MDFIC2: variants seen among roughly 807,000 people sequenced by gnomAD.
The protein encoded by MDFIC2 is MyoD family inhibitor domain containing 2, also known as myoD family inhibitor domain-containing protein 2.
At chr3:70,294,722 A>G (rs566514681) in intron 2 of MDFIC2, among the ~76,000 whole-genome samples, 9 of 152,308 alleles carry the variant, frequency 5.9e-5, no homozygotes, top group African/African-American at 2.2e-4. Context: ...GATTAAATCA[A>G]TGGCACAACA....
At position 70,224,562 on chromosome 3, in the gene MDFIC2, C is replaced by T. The variant is rs190296522; in HGVS notation, c.89-17772G>A. On this transcript the variant is annotated intron_variant, in intron 2 of 3. Coordinates refer to ENST00000567252, the MANE Select transcript of MDFIC2 (RefSeq NM_001364677.1). Reference sequence around the variant, plus strand: ...ACATTTAACACAACACTATAATTTCCGCAATGCTCACTAAGTGTCTGACTT... The same window carrying T: ...ACATTTAACACAACACTATAATTTCTGCAATGCTCACTAAGTGTCTGACTT... Among the ~76,000 whole-genome samples, 23 of 152,220 alleles carry T rather than the reference C, an allele frequency of 1.5e-4. No homozygotes were observed. The East Asian group carries it at 3.9e-3, about 26-fold the overall frequency.
At chr3:70,283,790 G>A (rs1236278878) in intron 2 of MDFIC2, 1 of 151,308 alleles carries the variant, frequency 6.6e-6, no homozygotes, top group Non-Finnish European at 1.5e-5. Flanking sequence ...AAAAAAGAGA[G>A]AGAAGAAAAA....
intron 2 of MDFIC2, among the ~76,000 whole-genome samples, chr3:70,297,004 C>T (rs778937342): frequency 6.6e-6 from 1 of 151,998 alleles, no homozygotes; most frequent in Non-Finnish European, 1.5e-5. Context: ...CCGCCTCCCC[C>T]ACCACACATA....
chr3:70,223,342 A>G (rs1701476653), intron 2 of MDFIC2, among the ~76,000 whole-genome samples: 1 of 152,080 alleles, frequency 6.6e-6, no homozygotes, highest in Admixed American at 6.6e-5. Flanking sequence ...TCTTACCACC[A>G]CCTATCTCTG....
At chr3:70,261,789 C>T (rs1701868594) in intron 2 of MDFIC2, among the ~76,000 whole-genome samples, 1 of 152,086 alleles carries the variant, frequency 6.6e-6, no homozygotes, top group South Asian at 2.1e-4. Context: ...CATTTGAAAC[C>T]AAGATTTCCT....
intron 2 of MDFIC2, among the ~76,000 whole-genome samples, chr3:70,262,039 C>T (rs571959703): frequency 1.3e-5 from 2 of 152,286 alleles, no homozygotes; most frequent in South Asian, 4.1e-4. Context: ...GGATTTGAGC[C>T]ATTCCTCATG....
intron 3 of MDFIC2, chr3:70,204,609 A>G (rs920792507): frequency 6.6e-6 from 1 of 151,776 alleles, no homozygotes; most frequent in Non-Finnish European, 1.5e-5. Flanking sequence ...AATTATCTTC[A>G]TGGATCTCCT....
At chr3:70,311,305 A>G (rs1249682501) in intron 2 of MDFIC2, among the ~76,000 whole-genome samples, 2 of 152,216 alleles carry the variant, frequency 1.3e-5, no homozygotes, top group Admixed American at 1.3e-4. Flanking sequence ...CCTTCTAGTA[A>G]ATAATCACAG....
At chr3:70,311,835 AC>A in intron 2 of MDFIC2, 50 bp downstream of exon 2, 1 of 396,838 alleles carries the variant, frequency 2.5e-6, no homozygotes, top group Non-Finnish European at 4.4e-6. Flanking sequence ...TTGCTTATAA[AC>A]AAAAGCAAAA....
chr3:70,212,678 T>C (rs1344430483), intron 2 of MDFIC2, among the ~76,000 whole-genome samples: 1 of 152,140 alleles, frequency 6.6e-6, no homozygotes, highest in Admixed American at 6.6e-5. Flanking sequence ...AAAATTATAC[T>C]TTGGACAATA....
At chr3:70,240,085 G>A (rs766856255) in intron 2 of MDFIC2, among the ~76,000 whole-genome samples, 6 of 152,000 alleles carry the variant, frequency 3.9e-5, no homozygotes, top group Non-Finnish European at 8.8e-5. Flanking sequence ...TTTTACACAG[G>A]ACATTTCTTT....
intron 2 of MDFIC2, among the ~76,000 whole-genome samples, chr3:70,306,757 T>A (rs1702404961): frequency 6.6e-6 from 1 of 152,110 alleles, no homozygotes; most frequent in East Asian, 1.9e-4. Context: ...TGGTGACAAT[T>A]GTGAATAAAA....
chr3:70,305,563 G>A (rs1702392540), intron 2 of MDFIC2, among the ~76,000 whole-genome samples: 1 of 152,206 alleles, frequency 6.6e-6, no homozygotes, highest in Admixed American at 6.5e-5. Context: ...TGAGTTCCTT[G>A]AGGGCAGGAC....
At chr3:70,237,317 A>G in intron 2 of MDFIC2, among the ~76,000 whole-genome samples, 1 of 152,324 alleles carries the variant, frequency 6.6e-6, no homozygotes. Context: ...TCTATTAATG[A>G]ATGCTTAAAC....
chr3:70,221,717 G>A (rs1701462151), intron 2 of MDFIC2, among the ~76,000 whole-genome samples: 1 of 152,148 alleles, frequency 6.6e-6, no homozygotes, highest in South Asian at 2.1e-4. Flanking sequence ...GGACAATGAG[G>A]TAGATCTTGG....
At chr3:70,294,726 C>T (rs1046581628) in intron 2 of MDFIC2, among the ~76,000 whole-genome samples, 2 of 152,072 alleles carry the variant, frequency 1.3e-5, no homozygotes, top group Non-Finnish European at 1.5e-5. Context: ...AAATCAATGG[C>T]ACAACACCAC....
chr3:70,212,557 A>G (rs1202753264), intron 2 of MDFIC2, among the ~76,000 whole-genome samples: 1 of 152,050 alleles, frequency 6.6e-6, no homozygotes, highest in African/African-American at 2.4e-5. Flanking sequence ...CATTTCCATT[A>G]CTGCCACTCA....
At chr3:70,244,959 A>T (rs897854282) in intron 2 of MDFIC2, among the ~76,000 whole-genome samples, 1 of 152,132 alleles carries the variant, frequency 6.6e-6, no homozygotes. Flanking sequence ...TATATATATA[A>T]AAATCATACT....
rs185095043 is a variant in MDFIC2, at chr3:70,233,622, T to C, written c.89-26832A>G. 1.5e-4 allele frequency among the ~76,000 whole-genome samples: 23 copies of C among 151,940 alleles called. No individual in the cohort carries two copies. The East Asian group carries it at 4.3e-3, about 28-fold the overall frequency. On this transcript the variant is annotated intron_variant, in intron 2 of 3. Transcript: ENST00000567252. ...ATTTCCATCATACCCTCTGCCAGAGTTTCCCTATGTCCTTTTGTAATCCAT... is the reference window on the plus strand; with the variant it reads ...ATTTCCATCATACCCTCTGCCAGAGCTTCCCTATGTCCTTTTGTAATCCAT...
Sources: allele counts gnomAD v4.1 joint callset (sites outside exome capture counted in the v4.1 genomes callset), GRCh38; gene constraint gnomAD v4.1.1; transcripts MANE v1.5; gene names NCBI Gene and HGNC (gene_info 2026-07-23, HGNC 2026-07-21).